CEP83: variants seen among roughly 807,000 people sequenced by gnomAD.
The protein encoded by CEP83 is centrosomal protein 83, also known as centrosomal protein of 83 kDa.
CEP83 carries 70 observed loss-of-function variants against 101.9 expected under a neutral mutation model. That is an observed-to-expected ratio of 0.69 (90% CI 0.57 to 0.84). The LOEUF (loss-of-function observed/expected upper bound fraction) is 0.84. Among genes scored for constraint, CEP83 ranks in the 40% least tolerant of loss-of-function variants. The pLI is 0.00. For synonymous variants in CEP83, 264 were observed against 267.9 expected, an observed-to-expected ratio of 0.99 and a Z score of 0.14; for missense variants, 715 against 787.2, an observed-to-expected ratio of 0.91 and a Z score of 1.10.
chr12:94,306,879 A>T (rs1409096172), downstream of CEP83: 1 of 152,208 alleles, frequency 6.6e-6, no homozygotes, highest in African/African-American at 2.4e-5. Flanking sequence ...TCCAACGGAC[A>T]CACCTCAAAC....
chr12:94,386,491 A>C (rs529191874), intron 6 of CEP83, among the ~76,000 whole-genome samples: 1 of 152,034 alleles, frequency 6.6e-6, no homozygotes, highest in Admixed American at 6.5e-5. Flanking sequence ...CTGAACTCCA[A>C]CTCCTCAGCT....
intron 6 of CEP83, among the ~76,000 whole-genome samples, chr12:94,383,043 T>C (rs1028862368): frequency 1.3e-5 from 2 of 152,122 alleles, no homozygotes; most frequent in Admixed American, 1.3e-4. Context: ...TTTGCACCTC[T>C]GGTGCACATA....
At chr12:94,434,905 T>C (rs927850567) in intron 2 of CEP83, among the ~76,000 whole-genome samples, 2 of 152,220 alleles carry the variant, frequency 1.3e-5, no homozygotes, top group Non-Finnish European at 2.9e-5. Flanking sequence ...GGTGTCATGT[T>C]GGTGTTCAAA....
rs185212560 is a variant in CEP83, at chr12:94,367,833, A to G, written c.1304T>C (p.Met435Thr). The change falls in exon 11 of 17, where the codon ATG (methionine) becomes ACG (threonine). Residue 435 changes from methionine (M) to threonine (T), a missense_variant. By Grantham distance (81) the Met-to-Thr change is moderately conservative. Transcript: ENST00000397809. ...CTCCTTCCTGGTGATCTCTTCTGCCATCTGTGAAGCCCGCAATTTCTCTTC... is the reference window on the plus strand; with the variant it reads ...CTCCTTCCTGGTGATCTCTTCTGCCGTCTGTGAAGCCCGCAATTTCTCTTC... The part of the protein sequence containing the change: ...QYEEKLRASQ[M>T]AEEITRKELQ... The G allele has an allele frequency of 1.2e-6, 2 of 1,613,386 alleles. No individual in the cohort carries two copies. Among genetic ancestry groups the G allele is most frequent in the African/African-American group, 2.7e-5 (2 of 74,884 alleles).
At chr12:94,301,183 C>A in the CEP83 span, 1 of 617,308 alleles carries the variant, frequency 1.6e-6, no homozygotes, top group South Asian at 4.8e-5. Context: ...ATAGCAAGGG[C>A]CACTGTCAAT....
At chr12:94,424,578 C>A (rs940165786) in intron 2 of CEP83, 50 of 1,613,382 alleles carry the variant, frequency 3.1e-5, no homozygotes, top group Middle Eastern at 1.6e-4. Flanking sequence ...GGGTCCTGTT[C>A]CTGTTGCTTT....
intron 11 of CEP83, among the ~76,000 whole-genome samples, chr12:94,360,285 G>T (rs747209825): frequency 5.9e-5 from 9 of 152,000 alleles, no homozygotes; most frequent in Non-Finnish European, 8.8e-5. Context: ...AAGCAATTAG[G>T]CATGAGAGAG....
chr12:94,348,838 G>A (rs866674946), intron 11 of CEP83, among the ~76,000 whole-genome samples: 1 of 152,156 alleles, frequency 6.6e-6, no homozygotes, highest in Admixed American at 6.5e-5. Context: ...CAACCAATGC[G>A]TCAAAAGTGG....
At chr12:94,299,679 C>CT in the CEP83 span, among the ~76,000 whole-genome samples, 1 of 152,150 alleles carries the variant, frequency 6.6e-6, no homozygotes, top group South Asian at 2.1e-4. Flanking sequence ...CCCACCTCAG[C>CT]TTCCCAAGTA....
At chr12:94,296,557 A>G in the CEP83 span, among the ~76,000 whole-genome samples, 1 of 152,040 alleles carries the variant, frequency 6.6e-6, no homozygotes, top group South Asian at 2.1e-4. Flanking sequence ...ACTCTGCGCT[A>G]CTCTTGACTT....
chr12:94,374,520 T>C (rs2061441682), intron 8 of CEP83, among the ~76,000 whole-genome samples: 1 of 152,228 alleles, frequency 6.6e-6, no homozygotes, highest in African/African-American at 2.4e-5. Flanking sequence ...GTATACTCTA[T>C]AGTTATAAGC....
chr12:94,321,862 G>A lies in CEP83; in HGVS notation c.1708-8845C>T, dbSNP rs116399188. 1.7e-3 allele frequency among the ~76,000 whole-genome samples: 264 copies of A among 152,128 alleles called. 1 individual carries two copies. The highest frequency in any genetic ancestry group is 6.1e-3 in the African/African-American group (254 of 41,496). On this transcript the variant is annotated intron_variant, in intron 14 of 16. Transcript: ENST00000397809. ...TTCAGGTTGGGAGGACGTGCTCAGT[G>A]AGGAGATATAGAATCAAGGACCCAA...
chr12:94,441,914 C>CAAAAAAAAAAAAA (rs370968833), intron 1 of CEP83, among the ~76,000 whole-genome samples: 3 of 61,846 alleles, frequency 4.9e-5, no homozygotes, highest in Admixed American at 2.0e-4. Flanking sequence ...GACTCCGTCT[C>CAAAAAAAAAAAAA]AAAAAAAAAA....
intron 6 of CEP83, among the ~76,000 whole-genome samples, chr12:94,398,947 G>A (rs2063078114): frequency 6.6e-6 from 1 of 152,090 alleles, no homozygotes; most frequent in East Asian, 1.9e-4. Flanking sequence ...ACCCCACCCT[G>A]GTAAATTTGG....
chr12:94,332,656 TAAAAG>T (rs1241659306), intron 13 of CEP83, among the ~76,000 whole-genome samples: 3 of 152,098 alleles, frequency 2.0e-5, no homozygotes, highest in Non-Finnish European at 4.4e-5. Flanking sequence ...TTTTACAAAA[TAAAAG>T]AAAAATAAGT....
chr12:94,389,831 G>A (rs1055970225), intron 6 of CEP83, among the ~76,000 whole-genome samples: 16 of 152,220 alleles, frequency 1.1e-4, no homozygotes, highest in African/African-American at 2.7e-4. Flanking sequence ...TGCCTGGCTC[G>A]GTGGGTCCCA....
At chr12:94,449,315 C>T (rs1309617482) in intron 1 of CEP83, among the ~76,000 whole-genome samples, 1 of 152,234 alleles carries the variant, frequency 6.6e-6, no homozygotes, top group East Asian at 1.9e-4. Flanking sequence ...GCCAGGCCCC[C>T]ACAACTGCAC....
chr12:94,314,093 G>A (rs979965510), intron 14 of CEP83, among the ~76,000 whole-genome samples: 6 of 152,098 alleles, frequency 3.9e-5, no homozygotes, highest in African/African-American at 1.4e-4. Context: ...TGCAAAAGGA[G>A]TGTATGGAAA....
chr12:94,297,526 C>T, the CEP83 span: 1 of 783,920 alleles, frequency 1.3e-6, no homozygotes, highest in African/African-American at 1.7e-5. Context: ...ATCCCTTGTG[C>T]CTTCTAGCAA....
Sources: allele counts gnomAD v4.1 joint callset (sites outside exome capture counted in the v4.1 genomes callset), GRCh38; gene constraint gnomAD v4.1.1; transcripts MANE v1.5; gene names NCBI Gene and HGNC (gene_info 2026-07-23, HGNC 2026-07-21).